PLCB1: variants seen among roughly 807,000 people sequenced by gnomAD.
The protein encoded by PLCB1 is 1-phosphatidylinositol 4,5-bisphosphate phosphodiesterase beta-1.
In PLCB1, 46 loss-of-function variants were observed where a neutral mutation model predicts 161.8. That is an observed-to-expected ratio of 0.28 (90% CI 0.22 to 0.36). The LOEUF (loss-of-function observed/expected upper bound fraction) is 0.36, where lower values mean the gene tolerates loss of function less well. Ranked by LOEUF, PLCB1 falls within the 10% of genes least tolerant of loss-of-function variation. PLCB1 has a pLI of 1.00. For synonymous variants in PLCB1, 517 were observed against 503.7 expected (o/e 1.03, Z -0.35); for missense variants, 1,016 against 1,472.5 (o/e 0.69, Z 5.07).
chr20:8,733,545 A>T lies in PLCB1; in HGVS notation c.2043+153A>T, dbSNP rs888128959. Reference sequence around the variant, plus strand: ...TTTCTCTAAAGATCAAATACACATTAAAAGTTTTCGTAAGGGGTCCGTGTG... The same window carrying T: ...TTTCTCTAAAGATCAAATACACATTTAAAGTTTTCGTAAGGGGTCCGTGTG... On this transcript the variant is annotated intron_variant, in intron 19 of 31. Coordinates refer to ENST00000338037, the MANE Select transcript of PLCB1 (RefSeq NM_015192.4). Among the ~76,000 whole-genome samples the T allele has an allele frequency of 7.9e-5, 12 of 151,988 alleles. No individual in the cohort carries two copies. In the South Asian group the frequency reaches 2.1e-3, roughly 26 times the overall value.
chr20:8,623,097 G>C (rs17365886), intron 3 of PLCB1, among the ~76,000 whole-genome samples: 1 of 151,638 alleles, frequency 6.6e-6, no homozygotes, highest in Non-Finnish European at 1.5e-5. Context: ...CCTAGCTCTC[G>C]AAACTGCATT....
At chr20:8,664,154 A>G (rs1454116856) in intron 9 of PLCB1, among the ~76,000 whole-genome samples, 1 of 152,190 alleles carries the variant, frequency 6.6e-6, no homozygotes, top group Non-Finnish European at 1.5e-5. Flanking sequence ...GTAGCAGATT[A>G]TAATAGCAGA....
At chr20:8,669,530 C>T (rs1989894364) in intron 9 of PLCB1, among the ~76,000 whole-genome samples, 2 of 152,166 alleles carry the variant, frequency 1.3e-5, no homozygotes, top group African/African-American at 4.8e-5. Context: ...TTGACTTACT[C>T]GTTGGTTTAT....
At chr20:8,772,246 A>G (rs531640197) in intron 26 of PLCB1, among the ~76,000 whole-genome samples, 1 of 152,186 alleles carries the variant, frequency 6.6e-6, no homozygotes, top group South Asian at 2.1e-4. Context: ...CAAAATTGGA[A>G]TGAATCACAC....
chr20:8,673,502 C>T (rs1458432797), intron 9 of PLCB1, among the ~76,000 whole-genome samples: 1 of 152,160 alleles, frequency 6.6e-6, no homozygotes, highest in Non-Finnish European at 1.5e-5. Context: ...AGGACTCAGC[C>T]CCCCAAATCC....
At chr20:8,136,581 G>C (rs534134339) in intron 1 of PLCB1, among the ~76,000 whole-genome samples, 14 of 150,800 alleles carry the variant, frequency 9.3e-5, no homozygotes, top group East Asian at 5.9e-4. Context: ...AGCCGAGATC[G>C]CGCCACTGCA....
At chr20:8,190,300 G>A (rs2051954243) in intron 2 of PLCB1, among the ~76,000 whole-genome samples, 1 of 152,072 alleles carries the variant, frequency 6.6e-6, no homozygotes, top group Admixed American at 6.6e-5. Flanking sequence ...TCTCGGATAA[G>A]TAGTTTCTTA....
At position 8,574,267 on chromosome 20, in the gene PLCB1, C is replaced by T. The variant is rs146879349; in HGVS notation, c.247-54027C>T. Among the ~76,000 whole-genome samples, 111 of 152,170 alleles carry T rather than the reference C, an allele frequency of 7.3e-4. 2 individuals carry two copies. In the East Asian group the frequency reaches 0.02, roughly 28 times the overall value. ...TACAAAAATTAGCCAGGCATGGTGG[C>T]GAGCACCTGTAATCCCAGCTACTCT... is the stretch of plus-strand genomic sequence containing the variant. On this transcript the variant is annotated intron_variant, in intron 3 of 31. Coordinates refer to ENST00000338037, the MANE Select transcript of PLCB1 (RefSeq NM_015192.4).
chr20:8,371,620 AC>A, intron 3 of PLCB1, 170 bp downstream of exon 3: 1 of 488,854 alleles, frequency 2.0e-6, no homozygotes. Flanking sequence ...GAAACAATGA[AC>A]AAATATGTGG....
At chr20:8,629,558 C>T (rs908911174) in intron 4 of PLCB1, among the ~76,000 whole-genome samples, 2 of 152,114 alleles carry the variant, frequency 1.3e-5, no homozygotes, top group African/African-American at 4.8e-5. Context: ...AGTGATAGTC[C>T]TTCTCCTTCA....
chr20:8,578,948 C>CT (rs1415020820), intron 3 of PLCB1, among the ~76,000 whole-genome samples: 2 of 152,216 alleles, frequency 1.3e-5, no homozygotes, highest in African/African-American at 2.4e-5. Context: ...TTACAAATTA[C>CT]TTAATAAATG....
rs374518229 is a variant in PLCB1 at position 8,486,650 on chromosome 20, C to T, written c.246+115200C>T. Reference sequence around the variant, plus strand: ...AGCTGGGACTACAGGCGCCCGCCACCGCGCCCGGCTAATTTTTTGTATTTT... The same window carrying T: ...AGCTGGGACTACAGGCGCCCGCCACTGCGCCCGGCTAATTTTTTGTATTTT... On this transcript the variant is annotated intron_variant, in intron 3 of 31. Transcript: ENST00000338037. Among the ~76,000 whole-genome samples, 118 of 151,148 alleles carry T rather than the reference C, an allele frequency of 7.8e-4. 1 individual carries two copies. The East Asian group carries it at 0.016, about 20-fold the overall frequency.
chr20:8,271,416 A>G (rs1406035427), intron 2 of PLCB1, among the ~76,000 whole-genome samples: 1 of 152,154 alleles, frequency 6.6e-6, no homozygotes, highest in Non-Finnish European at 1.5e-5. Flanking sequence ...TCCTGATAGA[A>G]TTAAGAATCC....
intron 13 of PLCB1, 99 bp downstream of exon 13, chr20:8,716,447 T>G: frequency 1.1e-6 from 1 of 883,870 alleles, no homozygotes; most frequent in Non-Finnish European, 1.9e-6. Flanking sequence ...TGTTTCTTGG[T>G]AAGATTAATG....
intron 3 of PLCB1, among the ~76,000 whole-genome samples, chr20:8,430,521 G>A (rs1488018725): frequency 6.6e-6 from 1 of 152,176 alleles, no homozygotes; most frequent in Non-Finnish European, 1.5e-5. Flanking sequence ...AAGTCTCATG[G>A]GTATATGTTT....
intron 2 of PLCB1, among the ~76,000 whole-genome samples, chr20:8,301,558 C>T (rs1400070220): frequency 3.3e-5 from 5 of 152,160 alleles, no homozygotes; most frequent in Non-Finnish European, 7.3e-5. Flanking sequence ...CGCCATTCCA[C>T]GTCCCATGCT....
At chr20:8,629,782 CTTCCTTCCTTTCTTTCT>C (rs137955269) in intron 4 of PLCB1, among the ~76,000 whole-genome samples, 21,331 of 113,264 alleles carry the variant, frequency 0.19, 2,457 homozygotes, top group Admixed American at 0.29. Flanking sequence ...GGCCTGGTTC[CTTCCTTCCTTTCTTTCT>C]TTTCTTTCTT....
At chr20:8,485,590 C>A (rs1381936933) in intron 3 of PLCB1, among the ~76,000 whole-genome samples, 1 of 152,188 alleles carries the variant, frequency 6.6e-6, no homozygotes, top group Non-Finnish European at 1.5e-5. Context: ...AAGGCAAGTT[C>A]TGAGAAACAA....
chr20:8,233,249 C>T (rs534066042), intron 2 of PLCB1, among the ~76,000 whole-genome samples: 7 of 151,790 alleles, frequency 4.6e-5, no homozygotes, highest in African/African-American at 1.7e-4. Flanking sequence ...AATTGCTGGT[C>T]ATCTAATGGG....
Sources: allele counts gnomAD v4.1 joint callset (sites outside exome capture counted in the v4.1 genomes callset), GRCh38; gene constraint gnomAD v4.1.1; transcripts MANE v1.5; gene names NCBI Gene and HGNC (gene_info 2026-07-23, HGNC 2026-07-21).